CYP4F2: variants seen among roughly 807,000 people sequenced by gnomAD.
CYP4F2 encodes cytochrome P450 4F2.
CYP4F2 carries 58 observed loss-of-function variants against 58.9 expected under a neutral mutation model. The observed-to-expected ratio is 0.98, with a 90% confidence interval of 0.80 to 1.23. The LOEUF (loss-of-function observed/expected upper bound fraction) is 1.23. CYP4F2 is among the 50% of genes most tolerant of loss of function. The probability of loss-of-function intolerance (pLI) is 0.00; values close to 1 mark genes in which losing one functional copy is unlikely to be tolerated. For synonymous variants in CYP4F2, 287 were observed against 261.1 expected (o/e 1.10, Z -0.95); for missense variants, 616 against 685.6 (o/e 0.90, Z 1.13).
chr19:15,886,294 C>T lies in CYP4F2; in HGVS notation c.933G>A (p.Lys311=), dbSNP rs1204111124. ...VLLLSKDEDG[K]KLSDEDIRAE... ...CTCTTATGTCCTCATCAGATAACTT[C>T]TTCCCGTCTTCATCCTGGAGAGAAG... Residue 311 remains lysine, a synonymous_variant, in exon 8 of 13, where the codon AAG becomes AAA. Transcript: ENST00000221700. 3 of 1,613,870 alleles carry T rather than the reference C, an allele frequency of 1.9e-6. No homozygotes were observed. The highest frequency in any genetic ancestry group is 1.7e-6 in the Non-Finnish European group (2 of 1,179,996).
At chr19:15,880,541 T>C (rs559842788) in intron 9 of CYP4F2, among the ~76,000 whole-genome samples, 3 of 151,952 alleles carry the variant, frequency 2.0e-5, no homozygotes, top group African/African-American at 7.2e-5. Context: ...GGCAAGAGAA[T>C]GGCTTGAACC....
At chr19:15,879,204 C>T in intron 12 of CYP4F2, 142 bp downstream of exon 12, 2 of 1,334,834 alleles carry the variant, frequency 1.5e-6, no homozygotes, top group East Asian at 4.6e-5. Flanking sequence ...ACTCTATGGA[C>T]CTTTTCCTAT....
intron 9 of CYP4F2, among the ~76,000 whole-genome samples, chr19:15,883,236 C>T (rs558458739): frequency 2.6e-5 from 4 of 152,058 alleles, no homozygotes; most frequent in African/African-American, 9.6e-5. Context: ...GATTAATAAC[C>T]AGAATATATT....
At chr19:15,886,399 T>A in intron 7 of CYP4F2, 91 bp from the exon 8 acceptor site, 2 of 1,451,324 alleles carry the variant, frequency 1.4e-6, no homozygotes, top group Non-Finnish European at 9.4e-7. Flanking sequence ...TGAGACAGTC[T>A]CTGAAGATTC....
At chr19:15,897,949 C>A in intron 1 of CYP4F2, 77 bp downstream of exon 1, 1 of 296,178 alleles carries the variant, frequency 3.4e-6, no homozygotes, top group Non-Finnish European at 6.4e-6. Flanking sequence ...CACCCAGGAG[C>A]TGCGTGGGCC....
chr19:15,892,913 GACCTAGGAC>G (rs1329088396), intron 3 of CYP4F2, among the ~76,000 whole-genome samples: 2 of 152,216 alleles, frequency 1.3e-5, no homozygotes, highest in East Asian at 3.9e-4. Context: ...GCTTCACAAG[GACCTAGGAC>G]ACCCTGTCTG....
intron 9 of CYP4F2, among the ~76,000 whole-genome samples, chr19:15,881,808 A>G (rs373858738): frequency 6.6e-6 from 1 of 152,126 alleles, no homozygotes; most frequent in East Asian, 1.9e-4. Context: ...CCTTAAAAAA[A>G]AAAAAAGAAA....
At position 15,895,603 on chromosome 19, in the gene CYP4F2, G is replaced by A. The variant is rs3093114; in HGVS notation, c.246C>T (p.Ala82=). 250,920 of 1,592,672 alleles carry A rather than the reference G, an allele frequency of 0.16. 20,660 individuals carry two copies. Among genetic ancestry groups the A allele is most frequent in the Middle Eastern group, 0.18 (1,081 of 6,008 alleles). Residue 82 remains alanine (A), a synonymous_variant, in exon 3 of 13, where the codon GCC becomes GCT. Transcript: ENST00000221700. The part of the protein sequence containing the change: ...EGMRVLTQLV[A]TYPQGFKVWM... Reference sequence around the variant, plus strand: ...AGACCTTAAAGCCCTGGGGGTAGGTGGCCACCAGCTGAGTCAGAACTCTCA... The same window carrying A: ...AGACCTTAAAGCCCTGGGGGTAGGTAGCCACCAGCTGAGTCAGAACTCTCA...
rs927129700 is a variant in CYP4F2 at position 15,897,424 on chromosome 19, TGTCCCCAAAACCA to T, written c.175_187del (p.Trp59ThrfsTer12). ...TGCTGCCACACTCACCATGCCCTGG[TGTCCCCAAAACCA>T]GTTCCGTCTTGGGGGTTGTGGGAAA... On this transcript the variant is annotated frameshift_variant, in exon 2 of 13. Coordinates refer to ENST00000221700, the MANE Select transcript of CYP4F2 (RefSeq NM_001082.5). LOFTEE classifies it high-confidence loss of function. 1.2e-6 allele frequency: 2 copies of T among 1,607,492 alleles called. No homozygotes were observed. Among genetic ancestry groups the T allele is most frequent in the African/African-American group, 2.7e-5 (2 of 74,468 alleles).
chr19:15,894,344 TGGTCCTGTGATCCA>T lies in CYP4F2; in HGVS notation c.343+1148_343+1161del, dbSNP rs568306434. 1.4e-4 allele frequency among the ~76,000 whole-genome samples: 21 copies of T among 152,298 alleles called. No homozygotes were observed. The East Asian group carries it at 3.9e-3, about 28-fold the overall frequency. ...GAGACACAGGGATTGGGTGAAAAAT[TGGTCCTGTGATCCA>T]GGCCAGGAGAAGTAAACCATGGGCC... On this transcript the variant is annotated intron_variant, in intron 3 of 12. Coordinates refer to ENST00000221700, the MANE Select transcript of CYP4F2 (RefSeq NM_001082.5).
intron 1 of CYP4F2, 74 bp from the exon 2 acceptor site, chr19:15,897,686 A>T: frequency 6.4e-7 from 1 of 1,564,962 alleles, no homozygotes; most frequent in East Asian, 2.3e-5. Context: ...GGGACAGTGG[A>T]GAGGCAGGGA....
intron 2 of CYP4F2, 69 bp from the exon 3 acceptor site, chr19:15,895,719 G>A: frequency 6.5e-7 from 1 of 1,529,628 alleles, no homozygotes; most frequent in East Asian, 2.5e-5. Flanking sequence ...ACTGGGCTAA[G>A]GGATGCCCAG....
intron 9 of CYP4F2, among the ~76,000 whole-genome samples, chr19:15,880,430 C>T (rs1414835627): frequency 6.6e-6 from 1 of 151,984 alleles, no homozygotes; most frequent in Non-Finnish European, 1.5e-5. Context: ...AGATCGAGAC[C>T]ATCCTAGCTA....
At chr19:15,884,065 A>G (rs575400445) in intron 9 of CYP4F2, among the ~76,000 whole-genome samples, 1 of 152,256 alleles carries the variant, frequency 6.6e-6, no homozygotes, top group East Asian at 1.9e-4. Context: ...TCTCAAAGAA[A>G]GAAAGAAAGG....
Position 15,886,145 on chromosome 19 carries a change from G to C in CYP4F2, c.986-92C>G, listed in dbSNP as rs2089377886. On this transcript the variant is annotated intron_variant, in intron 8 of 12. Transcript: ENST00000221700. ...TGCATTGAGGGCCTCAGGGAGGATG[G>C]GGGAAGGGGGATGGGAAGGTTGTGG... is the stretch of plus-strand genomic sequence containing the variant. 1.9e-6 allele frequency: 3 copies of C among 1,606,220 alleles called. No individual in the cohort carries two copies. The Admixed American group carries it at 5.1e-5, about 27-fold the overall frequency.
intron 7 of CYP4F2, 21 bp from the exon 8 acceptor site, chr19:15,886,329 C>G (rs201042526): frequency 2.5e-6 from 4 of 1,605,540 alleles, no homozygotes; most frequent in Admixed American, 3.4e-5. Flanking sequence ...GGCAGTAACC[C>G]CCCCCAACCC....
intron 5 of CYP4F2, 46 bp from the exon 6 acceptor site, chr19:15,890,479 T>G (rs2089410226): frequency 6.2e-7 from 1 of 1,608,738 alleles, no homozygotes; most frequent in South Asian, 1.1e-5. Flanking sequence ...CTTGCTCCCT[T>G]GAGCACCTCT....
chr19:15,897,747 G>T (rs772594863), intron 1 of CYP4F2, 135 bp from the exon 2 acceptor site: 4 of 1,106,986 alleles, frequency 3.6e-6, no homozygotes, highest in Non-Finnish European at 5.1e-6. Context: ...GGTAAAAAGG[G>T]GCTGAGAGGT....
At chr19:15,879,736 A>G (rs934147974) in intron 10 of CYP4F2, 28 bp downstream of exon 10, 1 of 1,613,766 alleles carries the variant, frequency 6.2e-7, no homozygotes, top group African/African-American at 1.3e-5. Flanking sequence ...CCTACCCAGG[A>G]GACTCCTCCC....
Sources: gnomAD v4.1 joint callset for allele counts (sites outside exome capture counted in the v4.1 genomes callset) on GRCh38, gnomAD v4.1.1 for gene constraint, MANE v1.5 for transcripts, NCBI Gene and HGNC (gene_info 2026-07-23, HGNC 2026-07-21) for gene names.